KREMEN2: variants seen among roughly 807,000 people sequenced by gnomAD.
KREMEN2 encodes the protein kremen protein 2.
In KREMEN2, 43 loss-of-function variants were observed where a neutral mutation model predicts 49.8. That is an observed-to-expected ratio of 0.86 (90% CI 0.68 to 1.11). The LOEUF (loss-of-function observed/expected upper bound fraction) is 1.11, where lower values mean the gene tolerates loss of function less well. KREMEN2 is among the 50% of genes most tolerant of loss of function. The pLI, the probability that KREMEN2 is intolerant of heterozygous loss-of-function variation, is 0.00. For missense variants in KREMEN2, 686 were observed against 665.7 expected (o/e 1.03, Z -0.34); for synonymous variants, 355 against 304.9 (o/e 1.16, Z -1.71).
At chr16:2,965,923 A>T (rs1596425848) in intron 2 of KREMEN2, among the ~76,000 whole-genome samples, 1 of 152,368 alleles carries the variant, frequency 6.6e-6, no homozygotes, top group South Asian at 2.1e-4. Flanking sequence ...GTCCCCTTTA[A>T]TGACTTCCCG....
In KREMEN2 at chr16:2,964,604, GCA is replaced by G; in HGVS notation, c.87_88del (p.His29GlnfsTer14). The stretch of plus-strand genomic sequence containing the variant: ...CGCGTGGGGCCTCGGCTGGGAGCCT[GCA>G]CAGTCCAGGTAAGTCCCCGCACGGC... ...QPRGASAGSL[H>X]SPGLSECFQV... On this transcript the variant is annotated frameshift_variant, in exon 1 of 9. Coordinates refer to ENST00000303746, the MANE Select transcript of KREMEN2 (RefSeq NM_172229.3). LOFTEE classifies it high-confidence loss of function. The G allele has an allele frequency of 6.2e-7, 1 of 1,604,572 alleles. No individual in the cohort carries two copies. Among genetic ancestry groups the G allele is most frequent in the Admixed American group, 1.7e-5 (1 of 58,212 alleles).
intron 2 of KREMEN2, among the ~76,000 whole-genome samples, chr16:2,965,393 G>C (rs1171106420): frequency 6.6e-6 from 1 of 151,826 alleles, no homozygotes. Flanking sequence ...TTATTTTGGG[G>C]TTCAGAGCCA....
rs1412166084 is a variant in KREMEN2, at chr16:2,966,721, C to T, written c.566C>T (p.Thr189Ile). 6.2e-7 allele frequency: 1 copy of T among 1,611,902 alleles called. No individual in the cohort carries two copies. The highest frequency in any genetic ancestry group is 1.6e-4 in the Middle Eastern group (1 of 6,062). Residue 189 changes from threonine (T) to isoleucine (I), a missense_variant, in exon 5 of 9, where the codon ACC becomes ATC. Physicochemically the swap from Thr to Ile is moderately conservative, Grantham distance 89. Transcript: ENST00000303746. The surrounding 1 kb of genome is among the most constrained non-coding windows in gnomAD (Gnocchi z 8.4). ...GCCCGGGGACGCCTGGCCCCCGCCACCGACTGTGACCAGATCTGTTTCGGC... is the reference window on the plus strand; with the variant it reads ...GCCCGGGGACGCCTGGCCCCCGCCATCGACTGTGACCAGATCTGTTTCGGC... ...DLARGRLAPA[T>I]DCDQICFGHP...
At position 2,964,941 on chromosome 16, in the gene KREMEN2, G is replaced by T. The variant is rs749580859; in HGVS notation, c.177G>T (p.Pro59=). Residue 59 remains proline, a synonymous_variant, in exon 2 of 9, where the codon CCG becomes CCT. Transcript: ENST00000303746. ...CTGGCCCGCGCGGGGCGGGCCGCCC[G>T]TGCCTCTTCTGGGACCAGACGCAGC... The part of the protein sequence containing the change: ...NRTGPRGAGR[P]CLFWDQTQQH... The T allele has an allele frequency of 1.1e-5, 18 of 1,596,666 alleles. No homozygotes were observed. The highest frequency in any genetic ancestry group is 3.3e-4 in the Middle Eastern group (2 of 6,036).
chr16:2,966,188 G>A lies in KREMEN2; in HGVS notation c.318G>A (p.Glu106=). ...VQPWCYVAET[E]EGIYWRYCDI... ...CGTGGTGCTACGTGGCTGAGACAGA[G>A]GAGGGCATCTACTGGCGCTACTGCG... is the stretch of plus-strand genomic sequence containing the variant. The change falls in exon 3 of 9, where the codon GAG becomes GAA. Residue 106 remains glutamate (E), a synonymous_variant. Transcript: ENST00000303746. The surrounding 1 kb of genome is among the most constrained non-coding windows in gnomAD (Gnocchi z 8.4). The A allele has an allele frequency of 6.2e-7, 1 of 1,612,866 alleles. No homozygotes were observed. The highest frequency in any genetic ancestry group is 1.3e-5 in the African/African-American group (1 of 75,032).
chr16:2,966,063 G>A lies in KREMEN2; in HGVS notation c.270-77G>A, dbSNP rs1400426826. ...CACAGAGCCTTGAAGGCCACTTTGA[G>A]CATAGGCTGCGGGGCCGGGCCTGGG... On this transcript the variant is annotated intron_variant, in intron 2 of 8. Transcript: ENST00000303746. This position sits in a 1 kb window ranked among gnomAD's most constrained non-coding sequence, Gnocchi z 8.4. 6 of 1,321,240 alleles carry A rather than the reference G, an allele frequency of 4.5e-6. No homozygotes were observed. The highest frequency in any genetic ancestry group is 6.5e-6 in the Non-Finnish European group (6 of 922,642). 81.8% of individuals were successfully genotyped at this position (1,321,240 alleles called of 1,614,324 possible).
chr16:2,965,096 C>G, intron 2 of KREMEN2, 63 bp downstream of exon 2: 1 of 1,106,828 alleles, frequency 9.0e-7, no homozygotes, highest in Non-Finnish European at 1.1e-6. Flanking sequence ...TGGCCCGAAG[C>G]GGGGCCTCCG....
rs992338738 is a variant in KREMEN2 at position 2,964,936 on chromosome 16, C to A, written c.172C>A (p.Arg58Ser). ...CCGCACTGGCCCGCGCGGGGCGGGC[C>A]GCCCGTGCCTCTTCTGGGACCAGAC... ...QNRTGPRGAG[R>S]PCLFWDQTQQ... is the part of the protein sequence containing the mutation. Residue 58 changes from arginine to serine, a missense_variant, in exon 2 of 9, where the codon CGC becomes AGC. Coordinates refer to ENST00000303746, the MANE Select transcript of KREMEN2 (RefSeq NM_172229.3). The A allele has an allele frequency of 7.5e-6, 12 of 1,598,706 alleles. No individual in the cohort carries two copies. The highest frequency in any genetic ancestry group is 2.7e-5 in the African/African-American group (2 of 74,400).
Position 2,967,931 on chromosome 16 carries a change from G to T in KREMEN2, c.1300G>T (p.Asp434Tyr). 6.3e-7 allele frequency: 1 copy of T among 1,581,494 alleles called. No individual in the cohort carries two copies. The highest frequency in any genetic ancestry group is 1.8e-5 in the Admixed American group (1 of 55,468). The change falls in exon 9 of 9, where the codon GAC (aspartate) becomes TAC (tyrosine). Residue 434 changes from aspartate (D) to tyrosine (Y), a missense_variant. Physicochemically the swap from Asp to Tyr is radical, Grantham distance 160 (BLOSUM62 -3). Transcript: ENST00000303746. ...RGVALPCSPG[D>Y]PQAEGSAAGY... is the part of the protein sequence containing the mutation. ...GGTGGCCTTGCCCTGCTCCCCCGGGGACCCCCAGGCTGAGGGTTCTGCCGC... is the reference window on the plus strand; with the variant it reads ...GGTGGCCTTGCCCTGCTCCCCCGGGTACCCCCAGGCTGAGGGTTCTGCCGC...
Position 2,964,859 on chromosome 16 carries a change from G to C in KREMEN2, c.95G>C (p.Gly32Ala), listed in dbSNP as rs764903604. The stretch of plus-strand genomic sequence containing the variant: ...CCCAGGCCCTGCCTTTGCCGTGCAG[G>C]CCTGTCCGAATGCTTCCAGGTGAAT... ...GASAGSLHSP[G>A]LSECFQVNGA... is the part of the protein sequence containing the mutation. Residue 32 changes from glycine (G) to alanine (A), a missense_variant and splice_region_variant, in exon 2 of 9, where the codon GGC becomes GCC. Coordinates refer to ENST00000303746, the MANE Select transcript of KREMEN2 (RefSeq NM_172229.3). 2 of 1,610,816 alleles carry C rather than the reference G, an allele frequency of 1.2e-6. No homozygotes were observed. Among genetic ancestry groups the C allele is most frequent in the Non-Finnish European group, 1.7e-6 (2 of 1,179,158 alleles).
rs1354102084 is a variant in KREMEN2 at position 2,967,307 on chromosome 16, C to A, written c.974-13C>A. 4.4e-6 allele frequency: 6 copies of A among 1,375,162 alleles called. No individual in the cohort carries two copies. The highest frequency in any genetic ancestry group is 5.6e-6 in the Non-Finnish European group (6 of 1,075,134). 85.2% of individuals were successfully genotyped at this position (1,375,162 alleles called of 1,614,324 possible). On this transcript the variant is annotated splice_polypyrimidine_tract_variant and intron_variant, in intron 6 of 8. Coordinates refer to ENST00000303746, the MANE Select transcript of KREMEN2 (RefSeq NM_172229.3). ...CCCGCTCTCCCCACCCCGCCTCACG[C>A]CCCTCTCCGCAGGGCTGCAGGACGC...
At position 2,966,019 on chromosome 16, in the gene KREMEN2, C is replaced by T. The variant is rs116568715; in HGVS notation, c.270-121C>T. The T allele has an allele frequency of 1.4e-3, 1,115 of 810,296 alleles. 6 individuals are homozygous for T. The African/African-American group carries it at 0.017, about 12-fold the overall frequency. The allele number at this position is 810,296 out of a possible 1,614,324, so 50.2% of individuals were successfully genotyped here. A position where few individuals can be genotyped will look rare whatever the true frequency, so the allele number is the denominator to read the frequency against. On this transcript the variant is annotated intron_variant, in intron 2 of 8. Coordinates refer to ENST00000303746, the MANE Select transcript of KREMEN2 (RefSeq NM_172229.3). The surrounding 1 kb of genome is among the most constrained non-coding windows in gnomAD (Gnocchi z 8.4). ...CTGGAATTTGTGGGTGTACAGCAGG[C>T]AGCACAGCCGCTCACAGGCACAGAG...
At position 2,967,952 on chromosome 16, in the gene KREMEN2, G is replaced by C; in HGVS notation, c.1321G>C (p.Ala441Pro). The stretch of plus-strand genomic sequence containing the variant: ...CGGGGACCCCCAGGCTGAGGGTTCT[G>C]CCGCGGGCTACCGGCCTCTGAGTGC... Reference protein sequence around the residue: ...SPGDPQAEGSAAGYRPLSASS... With the variant: ...SPGDPQAEGSPAGYRPLSASS... Residue 441 changes from alanine to proline, a missense_variant, in exon 9 of 9, where the codon GCC becomes CCC. Coordinates refer to ENST00000303746, the MANE Select transcript of KREMEN2 (RefSeq NM_172229.3). 6.3e-7 allele frequency: 1 copy of C among 1,585,864 alleles called. No individual in the cohort carries two copies. Among genetic ancestry groups the C allele is most frequent in the Non-Finnish European group, 8.6e-7 (1 of 1,169,054 alleles).
Position 2,967,945 on chromosome 16 carries a change from G to C in KREMEN2, c.1314G>C (p.Glu438Asp), listed in dbSNP as rs778668696. 5 of 1,585,670 alleles carry C rather than the reference G, an allele frequency of 3.2e-6. No homozygotes were observed. Among genetic ancestry groups the C allele is most frequent in the South Asian group, 1.1e-5 (1 of 87,164 alleles). The change falls in exon 9 of 9, where the codon GAG becomes GAC. Residue 438 changes from glutamate to aspartate, a missense_variant. By Grantham distance (45) the Glu-to-Asp change is conservative (BLOSUM62 2). Coordinates refer to ENST00000303746, the MANE Select transcript of KREMEN2 (RefSeq NM_172229.3). ...GCTCCCCCGGGGACCCCCAGGCTGAGGGTTCTGCCGCGGGCTACCGGCCTC... is the reference window on the plus strand; with the variant it reads ...GCTCCCCCGGGGACCCCCAGGCTGACGGTTCTGCCGCGGGCTACCGGCCTC... ...LPCSPGDPQAEGSAAGYRPLS... is the reference protein window; with the variant it reads ...LPCSPGDPQADGSAAGYRPLS...
Position 2,968,113 on chromosome 16 carries a change from G to A in KREMEN2, c.*93G>A. On this transcript the variant is annotated 3_prime_UTR_variant, in exon 9 of 9. Coordinates refer to ENST00000303746, the MANE Select transcript of KREMEN2 (RefSeq NM_172229.3). The stretch of plus-strand genomic sequence containing the variant: ...CCTGCCTCGGCCTTGCGCCTGTGTA[G>A]GGGCAGCTCGGCCTCTGGTCGCCTT... 1 of 1,310,958 alleles carries A rather than the reference G, an allele frequency of 7.6e-7. No individual in the cohort carries two copies. 81.2% of individuals were successfully genotyped at this position (1,310,958 alleles called of 1,614,324 possible).
Position 2,964,311 on chromosome 16 carries a change from C to T in KREMEN2, c.-210C>T. The T allele has an allele frequency of 2.2e-6, 1 of 458,158 alleles. No individual in the cohort carries two copies. The highest frequency in any genetic ancestry group is 3.9e-6 in the Non-Finnish European group (1 of 258,764). 28.4% of individuals were successfully genotyped at this position (458,158 alleles called of 1,614,324 possible). A position where few individuals can be genotyped will look rare whatever the true frequency, so the allele number is the denominator to read the frequency against. On this transcript the variant is annotated 5_prime_UTR_variant, in exon 1 of 9. Transcript: ENST00000303746. ...GGAGAGACCCGGGTAGGGACAGGGA[C>T]AGAGAGACGCCTCTAGGGGCAGAGG...
chr16:2,967,499 A>C (rs1342081703), intron 7 of KREMEN2, 27 bp from the exon 8 acceptor site: 1 of 1,520,292 alleles, frequency 6.6e-7, no homozygotes, highest in Non-Finnish European at 8.8e-7. Flanking sequence ...CCTCGCGCCC[A>C]TCCTCACCGC....
chr16:2,965,232 C>A (rs901790293), intron 2 of KREMEN2, among the ~76,000 whole-genome samples, 199 bp downstream of exon 2: 1 of 152,090 alleles, frequency 6.6e-6, no homozygotes, highest in African/African-American at 2.4e-5. Context: ...CAAAAGGGAT[C>A]CTCCTCAGGT....
chr16:2,968,202 G>A lies in KREMEN2; in HGVS notation c.*182G>A, dbSNP rs763655766. ...TTATCTGGGACTTGGCCTGACCGTG[G>A]GGGTCCAGATGGTCCAGGCCCTCTC... is the stretch of plus-strand genomic sequence containing the variant. On this transcript the variant is annotated 3_prime_UTR_variant, in exon 9 of 9. Transcript: ENST00000303746. 1.3e-5 allele frequency: 12 copies of A among 902,584 alleles called. No individual in the cohort carries two copies. Among genetic ancestry groups the A allele is most frequent in the Non-Finnish European group, 2.0e-5 (12 of 585,392 alleles). 55.9% of individuals were successfully genotyped at this position (902,584 alleles called of 1,614,324 possible).
Sources: gnomAD v4.1 joint callset for allele counts (sites outside exome capture counted in the v4.1 genomes callset) on GRCh38, gnomAD v4.1.1 for gene constraint, Gnocchi (gnomAD v3.1) non-coding constraint, MANE v1.5 for transcripts, NCBI Gene and HGNC (gene_info 2026-07-23, HGNC 2026-07-21) for gene names.